STAG1: variants seen among roughly 807,000 people sequenced by gnomAD.
STAG1 encodes the protein cohesin subunit SA-1.
Under a neutral mutation model 170.9 loss-of-function variants are expected in STAG1, and 26 were observed. The observed-to-expected ratio is 0.15, with a 90% CI of 0.11 to 0.21. STAG1 has a LOEUF of 0.21. STAG1 is among the 10% of genes least tolerant of loss of function. The pLI, the probability that STAG1 is intolerant of heterozygous loss-of-function variation, is 1.00. For missense variants in STAG1, 964 were observed against 1,509.5 expected (o/e 0.64, Z 5.99); for synonymous variants, 514 against 497.7 (o/e 1.03, Z -0.44).
At position 136,349,376 on chromosome 3, in the gene STAG1, T is replaced by C. The variant is rs371335681; in HGVS notation, c.3066-13A>G. 113 of 1,596,588 alleles carry C rather than the reference T, an allele frequency of 7.1e-5. No homozygotes were observed. The highest frequency in any genetic ancestry group is 8.8e-5 in the Non-Finnish European group (102 of 1,164,208). On this transcript the variant is annotated splice_polypyrimidine_tract_variant and intron_variant, in intron 28 of 33. Transcript: ENST00000383202. ...TAGGTATGAATGACTAGAAACACAA[T>C]AGAAACAGCAGTGATTTTCAGAGAA...
intron 6 of STAG1, among the ~76,000 whole-genome samples, chr3:136,524,573 T>C (rs1320641362): frequency 6.6e-6 from 1 of 152,200 alleles, no homozygotes; most frequent in African/African-American, 2.4e-5. Context: ...TTCTCCTAAT[T>C]GAATACCCTT....
chr3:136,508,792 C>T (rs911746753), intron 7 of STAG1, among the ~76,000 whole-genome samples: 2 of 152,254 alleles, frequency 1.3e-5, no homozygotes, highest in Non-Finnish European at 2.9e-5. Flanking sequence ...TGCTGGGGTA[C>T]CCTACAAATT....
chr3:136,453,914 C>T (rs1050101537), intron 13 of STAG1, among the ~76,000 whole-genome samples: 13 of 151,696 alleles, frequency 8.6e-5, no homozygotes, highest in African/African-American at 3.1e-4. Context: ...CACAGAGAAG[C>T]TGAGGTTTTC....
At chr3:136,427,658 T>C (rs1183580697) in intron 16 of STAG1, among the ~76,000 whole-genome samples, 1 of 132,466 alleles carries the variant, frequency 7.5e-6, no homozygotes, top group Admixed American at 7.6e-5. Context: ...AGGACCATTG[T>C]AAAAAAAAAA....
At chr3:136,519,116 G>A (rs1934530974) in intron 7 of STAG1, among the ~76,000 whole-genome samples, 1 of 152,112 alleles carries the variant, frequency 6.6e-6, no homozygotes, top group Non-Finnish European at 1.5e-5. Flanking sequence ...TTACATGGCA[G>A]TGAAGGACAA....
chr3:136,446,996 G>A (rs2088799895), intron 14 of STAG1, among the ~76,000 whole-genome samples: 1 of 137,936 alleles, frequency 7.2e-6, no homozygotes, highest in South Asian at 2.4e-4. Context: ...TTGAGACTGT[G>A]TTTTACTATG....
At chr3:136,673,923 C>T (rs1398713336) in intron 1 of STAG1, among the ~76,000 whole-genome samples, 1 of 151,404 alleles carries the variant, frequency 6.6e-6, no homozygotes, top group Non-Finnish European at 1.5e-5. Context: ...GGTAACATGG[C>T]AAAACCCCGT....
Position 136,748,067 on chromosome 3 carries a change from G to A in STAG1, c.-84+4128C>T, listed in dbSNP as rs567444103. ...TGGGATTACAGGCGTGAGCCACCGCGCCTGGCCAAGAATTATGTAATTTTT... is the reference window on the plus strand; with the variant it reads ...TGGGATTACAGGCGTGAGCCACCGCACCTGGCCAAGAATTATGTAATTTTT... On this transcript the variant is annotated intron_variant, in intron 1 of 33. Transcript: ENST00000383202. Among the ~76,000 whole-genome samples the A allele has an allele frequency of 2.6e-4, 38 of 145,782 alleles. No individual in the cohort carries two copies. In the South Asian group the frequency reaches 7.8e-3, roughly 30 times the overall value.
At chr3:136,733,557 A>G (rs1934162710) in intron 1 of STAG1, among the ~76,000 whole-genome samples, 1 of 152,196 alleles carries the variant, frequency 6.6e-6, no homozygotes, top group African/African-American at 2.4e-5. Flanking sequence ...GTTTACATAG[A>G]CAGAAACACG....
chr3:136,627,484 T>TA (rs763731695), intron 2 of STAG1, among the ~76,000 whole-genome samples: 65 of 152,320 alleles, frequency 4.3e-4, no homozygotes, highest in South Asian at 8.3e-4. Context: ...ATAAATATTT[T>TA]AGATTCCTGA....
intron 21 of STAG1, among the ~76,000 whole-genome samples, chr3:136,413,793 A>G (rs1208044575): frequency 5.9e-5 from 9 of 152,118 alleles, no homozygotes. Flanking sequence ...TATGGTTAAA[A>G]CAGTACTGAT....
chr3:136,604,275 T>TAACTGTATTATAACCCAA (rs748032385), intron 4 of STAG1, 34 bp downstream of exon 4: 1 of 1,580,850 alleles, frequency 6.3e-7, no homozygotes, highest in African/African-American at 1.4e-5. Flanking sequence ...TTAACTGTAT[T>TAACTGTATTATAACCCAA]GCTTTATACG....
chr3:136,708,661 T>C (rs1943294235), intron 1 of STAG1, among the ~76,000 whole-genome samples: 1 of 152,170 alleles, frequency 6.6e-6, no homozygotes, highest in Non-Finnish European at 1.5e-5. Flanking sequence ...GGAAAGCCAG[T>C]ATGAAGTATC....
chr3:136,417,629 C>T, intron 21 of STAG1: 1 of 354,158 alleles, frequency 2.8e-6, no homozygotes. Context: ...TGGTATTTCT[C>T]CTAATAGAGA....
intron 13 of STAG1, among the ~76,000 whole-genome samples, chr3:136,455,480 C>T (rs2089082842): frequency 6.6e-6 from 1 of 152,204 alleles, no homozygotes; most frequent in Non-Finnish European, 1.5e-5. Context: ...GTCTGGGCAT[C>T]TTTGCAAGAA....
intron 7 of STAG1, among the ~76,000 whole-genome samples, chr3:136,508,341 T>G (rs537214840): frequency 1.4e-4 from 21 of 152,178 alleles, no homozygotes; most frequent in African/African-American, 4.8e-4. Context: ...AGTTGAAAGC[T>G]TAAGAGAAAA....
chr3:136,567,893 T>TATTA (rs1327427726), intron 5 of STAG1, among the ~76,000 whole-genome samples: 1 of 152,192 alleles, frequency 6.6e-6, no homozygotes, highest in Non-Finnish European at 1.5e-5. Context: ...TTTGCTGAAC[T>TATTA]ATTAATGTAT....
chr3:136,585,069 A>G (rs997494246), intron 4 of STAG1, among the ~76,000 whole-genome samples: 1 of 152,218 alleles, frequency 6.6e-6, no homozygotes, highest in Non-Finnish European at 1.5e-5. Flanking sequence ...TATGAACTGG[A>G]ACAGCTATAA....
intron 12 of STAG1, among the ~76,000 whole-genome samples, chr3:136,466,527 T>C (rs748532361): frequency 1.9e-4 from 29 of 152,134 alleles, no homozygotes; most frequent in African/African-American, 4.3e-4. Flanking sequence ...CTACGTCGGA[T>C]TGGTGTACCT....
Sources: allele counts gnomAD v4.1 joint callset (sites outside exome capture counted in the v4.1 genomes callset), GRCh38; gene constraint gnomAD v4.1.1; transcripts MANE v1.5; gene names NCBI Gene and HGNC (gene_info 2026-07-23, HGNC 2026-07-21).